The following KCNQ1 variants were observed in gnomAD, a reference collection of about 807,000 sequenced individuals.
KCNQ1 encodes potassium voltage-gated channel subfamily KQT member 1.
In KCNQ1, 49 loss-of-function variants were observed where a neutral mutation model predicts 72.4. The observed-to-expected ratio is 0.68, with a 90% CI of 0.54 to 0.86. KCNQ1 has a LOEUF of 0.86. Ranked by LOEUF, KCNQ1 falls within the 40% of genes least tolerant of loss-of-function variation. The probability of loss-of-function intolerance (pLI) is 0.00; values close to 1 mark genes in which losing one functional copy is unlikely to be tolerated. For synonymous variants in KCNQ1, 450 were observed against 412.6 expected, an observed-to-expected ratio of 1.09 and a Z score of -1.10; for missense variants, 790 against 945.1, an observed-to-expected ratio of 0.84 and a Z score of 2.15.
At chr11:2,700,526 C>T (rs527655047) in intron 11 of KCNQ1, among the ~76,000 whole-genome samples, 1 of 152,140 alleles carries the variant, frequency 6.6e-6, no homozygotes, top group East Asian at 1.9e-4. Flanking sequence ...AAGGTCTCCA[C>T]CGCCGTGGCA....
chr11:2,533,042 T>C (rs1847667780), intron 2 of KCNQ1, among the ~76,000 whole-genome samples: 1 of 152,104 alleles, frequency 6.6e-6, no homozygotes, highest in Non-Finnish European at 1.5e-5. Flanking sequence ...ACCACAGCCT[T>C]GGGGAACCCA....
chr11:2,507,340 G>A lies in KCNQ1; in HGVS notation c.387-20588G>A, dbSNP rs1847122162. ...CTGGCCTCTAAGTGGAGCATGGAGT[G>A]TGGGGTCATCGGGCAGGACACGAGA... On this transcript the variant is annotated intron_variant, in intron 1 of 15. Transcript: ENST00000155840. This position sits in a 1 kb window ranked among gnomAD's most constrained non-coding sequence, Gnocchi z 5.4. Among the ~76,000 whole-genome samples the A allele has an allele frequency of 6.6e-6, 1 of 152,152 alleles. No homozygotes were observed. The highest frequency in any genetic ancestry group is 2.1e-4 in the South Asian group (1 of 4,826).
At chr11:2,586,075 T>A (rs1848587779) in intron 8 of KCNQ1, among the ~76,000 whole-genome samples, 1 of 152,164 alleles carries the variant, frequency 6.6e-6, no homozygotes, top group Non-Finnish European at 1.5e-5. Flanking sequence ...GCCGCTGAGG[T>A]GCCCAGAGGG....
chr11:2,476,271 C>A (rs718579), intron 1 of KCNQ1, among the ~76,000 whole-genome samples: 2 of 151,826 alleles, frequency 1.3e-5, no homozygotes, highest in Admixed American at 1.3e-4. Flanking sequence ...CTGATTTCAA[C>A]GTATGTTTAA....
At chr11:2,716,399 G>A (rs1316254914) in intron 11 of KCNQ1, among the ~76,000 whole-genome samples, 2 of 152,138 alleles carry the variant, frequency 1.3e-5, no homozygotes, top group Admixed American at 6.5e-5. Flanking sequence ...GGGAAAAGGT[G>A]GCCCATTGGC....
chr11:2,627,779 CTCCA>C lies in KCNQ1; in HGVS notation c.1394-34179_1394-34176del. 1 of 398,336 alleles carries C rather than the reference CTCCA, an allele frequency of 2.5e-6. No homozygotes were observed. The highest frequency in any genetic ancestry group is 4.4e-6 in the Non-Finnish European group (1 of 226,052). The allele number at this position is 398,336 out of a possible 1,614,324, so 24.7% of individuals were successfully genotyped here. On this transcript the variant is annotated intron_variant, in intron 10 of 15. Transcript: ENST00000155840. The surrounding 1 kb of genome is among the most constrained non-coding windows in gnomAD (Gnocchi z 4.9). ...TCTTCCTTTCTTTTTGAGACAGGGT[CTCCA>C]TCTGTCATCCAGGCAGGAGTACAGT...
At chr11:2,700,241 G>A (rs943400476) in intron 11 of KCNQ1, among the ~76,000 whole-genome samples, 3 of 152,010 alleles carry the variant, frequency 2.0e-5, no homozygotes, top group African/African-American at 4.8e-5. Context: ...GTGAGGTGGC[G>A]CGAGCCGCCG....
rs780210681 is a variant in KCNQ1, at chr11:2,766,569, C to T, written c.1515-2275C>T. On this transcript the variant is annotated intron_variant, in intron 11 of 15. Transcript: ENST00000155840. The surrounding 1 kb of genome is among the most constrained non-coding windows in gnomAD (Gnocchi z 4.4). Reference sequence around the variant, plus strand: ...AGACTCTAGCCTGCAATGGGAGGAACCACAATGGATTGTGCCCATCTTTAA... The same window carrying T: ...AGACTCTAGCCTGCAATGGGAGGAATCACAATGGATTGTGCCCATCTTTAA... Among the ~76,000 whole-genome samples, 8 of 152,190 alleles carry T rather than the reference C, an allele frequency of 5.3e-5. No homozygotes were observed. The highest frequency in any genetic ancestry group is 1.2e-4 in the Non-Finnish European group (8 of 68,024).
At chr11:2,571,985 C>A in intron 4 of KCNQ1, 28 bp from the exon 5 acceptor site, 3 of 1,592,960 alleles carry the variant, frequency 1.9e-6, no homozygotes, top group Non-Finnish European at 2.6e-6. Context: ...AGCCTGGCTC[C>A]CTCAGCCCCA....
intron 15 of KCNQ1, among the ~76,000 whole-genome samples, chr11:2,837,055 C>A (rs1023099580): frequency 9.9e-5 from 15 of 152,162 alleles, no homozygotes; most frequent in African/African-American, 3.4e-4. Flanking sequence ...GGGCACGGGG[C>A]ATGGCAGCCC....
intron 15 of KCNQ1, among the ~76,000 whole-genome samples, chr11:2,797,606 T>C (rs1268812506): frequency 6.6e-6 from 1 of 151,926 alleles, no homozygotes; most frequent in Non-Finnish European, 1.5e-5. Flanking sequence ...TCTGACCGCC[T>C]TCTTGTATGT....
rs1473294350 is a variant in KCNQ1, at chr11:2,713,868, G to A, written c.1514+51787G>A. Among the ~76,000 whole-genome samples, 1 of 152,232 alleles carries A rather than the reference G, an allele frequency of 6.6e-6. No homozygotes were observed. Among genetic ancestry groups the A allele is most frequent in the African/African-American group, 2.4e-5 (1 of 41,448 alleles). ...CAATATTGCTTCCAGATGGGCAAAC[G>A]CGCGCTCGGAGCCTGGCCCTGCAGA... On this transcript the variant is annotated intron_variant, in intron 11 of 15. Coordinates refer to ENST00000155840, the MANE Select transcript of KCNQ1 (RefSeq NM_000218.3). The surrounding 1 kb of genome is among the most constrained non-coding windows in gnomAD (Gnocchi z 5.6).
intron 2 of KCNQ1, among the ~76,000 whole-genome samples, chr11:2,555,353 C>T (rs1564815547): frequency 6.6e-6 from 1 of 152,358 alleles, no homozygotes; most frequent in Middle Eastern, 3.4e-3. Flanking sequence ...GGTGCACCGT[C>T]TTTGGGGTTA....
At chr11:2,574,261 C>A (rs1032921341) in intron 6 of KCNQ1, among the ~76,000 whole-genome samples, 6 of 152,208 alleles carry the variant, frequency 3.9e-5, no homozygotes, top group African/African-American at 1.4e-4. Context: ...CCGAGAAGCC[C>A]AAGTGCCGAG....
At chr11:2,618,175 C>T (rs1199138645) in intron 10 of KCNQ1, 2 of 398,246 alleles carry the variant, frequency 5.0e-6, no homozygotes, top group Non-Finnish European at 8.8e-6. Flanking sequence ...GGTCTTTTAT[C>T]CATTTTGAGT....
At position 2,447,229 on chromosome 11, in the gene KCNQ1, A is replaced by G. The variant is rs1846051583; in HGVS notation, c.386+1745A>G. ...TTGTTTAGGTCTCGGAAGTTTGCTC[A>G]GCAAGAGTCTACCTTCGCCCAGCCT... On this transcript the variant is annotated intron_variant, in intron 1 of 15. Transcript: ENST00000155840. This position sits in a 1 kb window ranked among gnomAD's most constrained non-coding sequence, Gnocchi z 7.6. 6.6e-6 allele frequency among the ~76,000 whole-genome samples: 1 copy of G among 152,166 alleles called. No homozygotes were observed.
In KCNQ1 at chr11:2,758,522, C is replaced by CT. The variant is rs752440668; in HGVS notation, c.1515-10321dup. 2.4e-4 allele frequency among the ~76,000 whole-genome samples: 37 copies of CT among 152,346 alleles called. 1 individual carries two copies. In the East Asian group the frequency reaches 6.8e-3, roughly 28 times the overall value. On this transcript the variant is annotated intron_variant, in intron 11 of 15. Coordinates refer to ENST00000155840, the MANE Select transcript of KCNQ1 (RefSeq NM_000218.3). ...GTTTCTTATAAAAGTCAGCATGCGACTACCACACATCCCGGCAACTGAACT... is the reference window on the plus strand; with the variant it reads ...GTTTCTTATAAAAGTCAGCATGCGACTTACCACACATCCCGGCAACTGAACT...
rs1850260626 is a variant in KCNQ1, at chr11:2,674,721, A to G, written c.1514+12640A>G. On this transcript the variant is annotated intron_variant, in intron 11 of 15. Transcript: ENST00000155840. The surrounding 1 kb of genome is among the most constrained non-coding windows in gnomAD (Gnocchi z 5.9). ...TTTCCTGATGACTCCTTCCTTCTGA[A>G]CTTAACTCGTTAAAGTTGCTCCAAT... The G allele has an allele frequency of 1.8e-5, 7 of 398,028 alleles. No homozygotes were observed. In the East Asian group the frequency reaches 2.5e-4, roughly 14 times the overall value. The allele number at this position is 398,028 out of a possible 1,614,324, so 24.7% of individuals were successfully genotyped here.
intron 10 of KCNQ1, chr11:2,646,414 T>G (rs1302017949): frequency 5.0e-6 from 2 of 398,528 alleles, no homozygotes; most frequent in African/African-American, 2.1e-5. Context: ...GTGGAAATCT[T>G]TCACCTCCTT....
Sources: allele counts gnomAD v4.1 joint callset (sites outside exome capture counted in the v4.1 genomes callset), GRCh38; gene constraint gnomAD v4.1.1; non-coding constraint Gnocchi (gnomAD v3.1); transcripts MANE v1.5; gene names NCBI Gene and HGNC (gene_info 2026-07-23, HGNC 2026-07-21).